Variants in GALNTL6 observed in about 807,000 individuals in gnomAD.
GALNTL6 encodes the protein polypeptide N-acetylgalactosaminyltransferase-like 6.
Under a neutral mutation model 73.7 loss-of-function variants are expected in GALNTL6, and 46 were observed. The observed-to-expected ratio is 0.62, with a 90% CI of 0.49 to 0.80. The LOEUF is 0.80. Ranked by LOEUF, GALNTL6 falls within the 30% of genes least tolerant of loss-of-function variation. The probability of loss-of-function intolerance (pLI) is 0.00; values close to 1 mark genes in which losing one functional copy is unlikely to be tolerated. For synonymous variants in GALNTL6, 259 were observed against 263.7 expected, an observed-to-expected ratio of 0.98 and a Z score of 0.17; for missense variants, 604 against 755.0, an observed-to-expected ratio of 0.80 and a Z score of 2.34.
intron 9 of GALNTL6, among the ~76,000 whole-genome samples, chr4:172,933,640 T>G (rs1029109546): frequency 1.3e-5 from 2 of 152,220 alleles, no homozygotes; most frequent in African/African-American, 4.8e-5. Context: ...TTTTATGGTT[T>G]TTTTAAGTTA....
chr4:171,926,537 T>C (rs1293175985), intron 2 of GALNTL6, among the ~76,000 whole-genome samples: 2 of 152,126 alleles, frequency 1.3e-5, no homozygotes, highest in Non-Finnish European at 2.9e-5. Context: ...ACCTTCAACT[T>C]TGCTAGGAAT....
intron 3 of GALNTL6, among the ~76,000 whole-genome samples, chr4:172,263,949 T>A (rs933452741): frequency 1.3e-5 from 2 of 151,622 alleles, no homozygotes; most frequent in African/African-American, 4.8e-5. Flanking sequence ...TCTTATGAAA[T>A]GTATATTAAA....
At chr4:172,546,820 G>GTATATATGTATATATATACATA in intron 5 of GALNTL6, among the ~76,000 whole-genome samples, 2 of 49,028 alleles carry the variant, frequency 4.1e-5, no homozygotes, top group East Asian at 5.5e-4. Flanking sequence ...ATATATATAC[G>GTATATATGTATATATATACATA]TATATGTATA....
chr4:173,008,848 A>G (rs1254430880), intron 10 of GALNTL6, among the ~76,000 whole-genome samples: 12 of 152,226 alleles, frequency 7.9e-5, no homozygotes, highest in Admixed American at 6.5e-4. Context: ...CAGAAATCCT[A>G]TGTATAGGAA....
intron 7 of GALNTL6, among the ~76,000 whole-genome samples, chr4:172,839,446 C>G (rs990064781): frequency 6.6e-6 from 1 of 152,162 alleles, no homozygotes; most frequent in African/African-American, 2.4e-5. Flanking sequence ...CCTTAATGTT[C>G]CTAACAGTCT....
chr4:172,302,509 T>C (rs1392851505), intron 3 of GALNTL6, among the ~76,000 whole-genome samples: 2 of 152,142 alleles, frequency 1.3e-5, no homozygotes, highest in African/African-American at 2.4e-5. Context: ...CCATCTTGGC[T>C]CCACCTGTCC....
intron 3 of GALNTL6, among the ~76,000 whole-genome samples, chr4:172,301,781 G>C (rs1474438168): frequency 1.3e-5 from 2 of 152,178 alleles, no homozygotes; most frequent in South Asian, 2.1e-4. Flanking sequence ...TGCCCCTACT[G>C]GGGGGTGCCT....
At chr4:172,004,356 G>A (rs970976565) in intron 2 of GALNTL6, among the ~76,000 whole-genome samples, 15 of 152,028 alleles carry the variant, frequency 9.9e-5, no homozygotes, top group Non-Finnish European at 1.9e-4. Context: ...TTTACTTCCA[G>A]TAAACAACAT....
At chr4:171,966,713 G>T (rs1248673201) in intron 2 of GALNTL6, among the ~76,000 whole-genome samples, 1 of 152,020 alleles carries the variant, frequency 6.6e-6, no homozygotes, top group Admixed American at 6.6e-5. Flanking sequence ...CTTATTTCTT[G>T]CCTGGTTAAA....
intron 5 of GALNTL6, among the ~76,000 whole-genome samples, chr4:172,392,510 G>A (rs1244144352): frequency 6.6e-6 from 1 of 150,810 alleles, no homozygotes; most frequent in Non-Finnish European, 1.5e-5. Flanking sequence ...TGGCCTCAAG[G>A]GATCCTCCTT....
chr4:171,832,179 A>G lies in GALNTL6; in HGVS notation c.138+17461A>G, dbSNP rs903963041. On this transcript the variant is annotated intron_variant, in intron 2 of 12. Coordinates refer to ENST00000506823, the MANE Select transcript of GALNTL6 (RefSeq NM_001034845.3). ...TGTAAAGATTCTAATGAAATTTTTT[A>G]AAATAATGTGTTTTTAAAATATTAT... Among the ~76,000 whole-genome samples the G allele has an allele frequency of 4.6e-4, 70 of 151,560 alleles. 1 individual carries two copies. Among genetic ancestry groups the G allele is most frequent in the Admixed American group, 1.3e-3 (19 of 15,182 alleles).
chr4:172,733,488 G>T (rs1354969827), intron 5 of GALNTL6, among the ~76,000 whole-genome samples: 5 of 152,098 alleles, frequency 3.3e-5, no homozygotes, highest in Admixed American at 3.3e-4. Flanking sequence ...ATATGGTTTG[G>T]CTGTGTCCCT....
At chr4:172,388,849 A>G (rs976038771) in intron 5 of GALNTL6, among the ~76,000 whole-genome samples, 7 of 152,074 alleles carry the variant, frequency 4.6e-5, no homozygotes, top group African/African-American at 1.2e-4. Flanking sequence ...CCATACTTAC[A>G]TGACATCCTC....
chr4:172,169,656 GC>G (rs1223724471), intron 2 of GALNTL6, among the ~76,000 whole-genome samples: 3 of 152,016 alleles, frequency 2.0e-5, no homozygotes, highest in African/African-American at 7.2e-5. Flanking sequence ...AACTCATATG[GC>G]AATCTCATCA....
In GALNTL6 at chr4:172,419,862, T is replaced by C. The variant is rs1730991215; in HGVS notation, c.553+71173T>C. Among the ~76,000 whole-genome samples, 5 of 152,164 alleles carry C rather than the reference T, an allele frequency of 3.3e-5. No individual in the cohort carries two copies. In the South Asian group the frequency reaches 1.0e-3, roughly 31 times the overall value. On this transcript the variant is annotated intron_variant, in intron 5 of 12. Transcript: ENST00000506823. ...TGCTTACTTTTATGGCATGCTTTCA[T>C]TGCCTCTGGCTTTTGTTTATCTGTT...
intron 5 of GALNTL6, among the ~76,000 whole-genome samples, chr4:172,791,349 G>T (rs1449257848): frequency 1.3e-5 from 2 of 152,136 alleles, no homozygotes; most frequent in African/African-American, 4.8e-5. Flanking sequence ...AATAACTCAG[G>T]CCCCAGTATC....
chr4:171,824,654 G>T (rs1402199997), intron 2 of GALNTL6, among the ~76,000 whole-genome samples: 1 of 152,094 alleles, frequency 6.6e-6, no homozygotes, highest in Non-Finnish European at 1.5e-5. Flanking sequence ...TGGAAAAAGA[G>T]AAAAAACATG....
At chr4:172,032,159 G>C (rs181158105) in intron 2 of GALNTL6, among the ~76,000 whole-genome samples, 8 of 152,210 alleles carry the variant, frequency 5.3e-5, no homozygotes, top group Admixed American at 5.2e-4. Flanking sequence ...GAAAGCTCAT[G>C]GTATTCTGTT....
At chr4:172,805,865 G>A (rs1362418806) in intron 5 of GALNTL6, among the ~76,000 whole-genome samples, 1 of 152,060 alleles carries the variant, frequency 6.6e-6, no homozygotes, top group African/African-American at 2.4e-5. Context: ...CAAATAGATG[G>A]GGCGCAACTG....
Sources: allele counts gnomAD v4.1 joint callset (sites outside exome capture counted in the v4.1 genomes callset), GRCh38; gene constraint gnomAD v4.1.1; transcripts MANE v1.5; gene names NCBI Gene and HGNC (gene_info 2026-07-23, HGNC 2026-07-21).